Variants in COL9A2 observed in about 807,000 individuals in gnomAD.
COL9A2 encodes collagen type IX alpha 2 chain, also known as collagen alpha-2(IX) chain.
A neutral mutation model predicts 111.6 loss-of-function variants in COL9A2; 66 were observed. The observed-to-expected ratio is 0.59, with a 90% CI of 0.48 to 0.73. COL9A2 has a LOEUF of 0.73. Ranked by LOEUF, COL9A2 falls within the 30% of genes least tolerant of loss-of-function variation. The pLI, the probability that COL9A2 is intolerant of heterozygous loss-of-function variation, is 0.00. For synonymous variants in COL9A2, 353 were observed against 364.1 expected (o/e 0.97, Z 0.35); for missense variants, 881 against 954.1 (o/e 0.92, Z 1.01).
chr1:40,304,120 G>C, intron 24 of COL9A2, 21 bp from the exon 25 acceptor site: 1 of 1,542,290 alleles, frequency 6.5e-7, no homozygotes, highest in Non-Finnish European at 8.7e-7. Flanking sequence ...CGGGCAGTGA[G>C]GGGTTTGGCG....
Position 40,302,848 on chromosome 1 carries a change from G to T in COL9A2, c.1604-39C>A. 2 of 1,529,454 alleles carry T rather than the reference G, an allele frequency of 1.3e-6. No individual in the cohort carries two copies. The highest frequency in any genetic ancestry group is 2.4e-5 in the South Asian group (2 of 83,660). 94.7% of individuals were successfully genotyped at this position (1,529,454 alleles called of 1,614,324 possible). A position where few individuals can be genotyped will look rare whatever the true frequency, so the allele number is the denominator to read the frequency against. Reference sequence around the variant, plus strand: ...GGGAGGGAGGGAGAGGGAAGTCTATGAGATGGGTGTCAGCAGTAACACTAG... The same window carrying T: ...GGGAGGGAGGGAGAGGGAAGTCTATTAGATGGGTGTCAGCAGTAACACTAG... On this transcript the variant is annotated intron_variant, in intron 29 of 31. Transcript: ENST00000372748. The surrounding 1 kb of genome is among the most constrained non-coding windows in gnomAD (Gnocchi z 4.5).
rs778031598 is a variant in COL9A2, at chr1:40,303,759, G to A, written c.1401+48C>T. On this transcript the variant is annotated intron_variant, in intron 27 of 31. Coordinates refer to ENST00000372748, the MANE Select transcript of COL9A2 (RefSeq NM_001852.4). The surrounding 1 kb of genome is among the most constrained non-coding windows in gnomAD (Gnocchi z 4.6). ...AGTGGGGGGTGGGGGTCGAGGAAGG[G>A]AGTGGCCGCCCAGGAAAGTCGGAGA... 1 of 1,555,206 alleles carries A rather than the reference G, an allele frequency of 6.4e-7. No individual in the cohort carries two copies. The highest frequency in any genetic ancestry group is 2.4e-5 in the East Asian group (1 of 41,952).
intron 1 of COL9A2, chr1:40,315,899 A>G: frequency 2.2e-6 from 1 of 462,198 alleles, no homozygotes; most frequent in East Asian, 3.5e-5. Context: ...TTGCAGTCGA[A>G]GAAACTGGCT....
At position 40,311,539 on chromosome 1, in the gene COL9A2, C is replaced by A. The variant is rs745522018; in HGVS notation, c.480G>T (p.Pro160=). The change falls in exon 10 of 32, where the codon CCG becomes CCT. Residue 160 remains proline, a synonymous_variant. Transcript: ENST00000372748. This position sits in a 1 kb window ranked among gnomAD's most constrained non-coding sequence, Gnocchi z 5.1. ...TGCCTTCCAGACCCTGGATGGTTCCCGGGCGACCCTGAGAGGAGACATGAA... is the reference window on the plus strand; with the variant it reads ...TGCCTTCCAGACCCTGGATGGTTCCAGGGCGACCCTGAGAGGAGACATGAA... The part of the protein sequence containing the change: ...PPGPPGKPGR[P]GTIQGLEGSA... 1 of 1,613,868 alleles carries A rather than the reference C, an allele frequency of 6.2e-7. No individual in the cohort carries two copies. Among genetic ancestry groups the A allele is most frequent in the South Asian group, 1.1e-5 (1 of 91,052 alleles).
Position 40,301,837 on chromosome 1 carries a change from C to T in COL9A2, c.1845G>A (p.Gly615=). The change falls in exon 31 of 32, where the codon GGG becomes GGA. Residue 615 remains glycine, a synonymous_variant. Coordinates refer to ENST00000372748, the MANE Select transcript of COL9A2 (RefSeq NM_001852.4). ...DPGEVGRGHP[G]MPGPPGIPGL... is the part of the protein sequence containing the mutation. ...CTGGGATCCCTGGGGGCCCAGGCAT[C>T]CCGGGGTGCCCCCGTCCCACTTCTC... The T allele has an allele frequency of 6.2e-7, 1 of 1,614,140 alleles. No individual in the cohort carries two copies. The highest frequency in any genetic ancestry group is 8.5e-7 in the Non-Finnish European group (1 of 1,180,008).
At position 40,302,695 on chromosome 1, in the gene COL9A2, T is replaced by TG. The variant is rs1557791071; in HGVS notation, c.1717dup (p.His573ProfsTer33). ...AACGCCCCGAGGGCCAGGGTGCCCA[T>TG]GGGGGCCCTGCTTGCCTGGGTACCC... On this transcript the variant is annotated frameshift_variant, in exon 30 of 32. Transcript: ENST00000372748. LOFTEE classifies it high-confidence loss of function. The surrounding 1 kb of genome is among the most constrained non-coding windows in gnomAD (Gnocchi z 4.5). 6.3e-7 allele frequency: 1 copy of TG among 1,591,760 alleles called. No homozygotes were observed.
Position 40,303,475 on chromosome 1 carries a change from A to C in COL9A2, c.1548+55T>G. ...CCCTAGCCTTTGGCGGGTAAGCCGC[A>C]CCCCAGAACAGATCTACCTAGAAGA... On this transcript the variant is annotated intron_variant, in intron 28 of 31. Transcript: ENST00000372748. The surrounding 1 kb of genome is among the most constrained non-coding windows in gnomAD (Gnocchi z 4.6). The C allele has an allele frequency of 1.9e-6, 3 of 1,607,836 alleles. No individual in the cohort carries two copies. Among genetic ancestry groups the C allele is most frequent in the Non-Finnish European group, 2.5e-6 (3 of 1,177,166 alleles).
In COL9A2 at chr1:40,300,739, G is replaced by A. The variant is rs531591616; in HGVS notation, c.*443C>T. 56 of 165,134 alleles carry A rather than the reference G, an allele frequency of 3.4e-4. No individual in the cohort carries two copies. Among genetic ancestry groups the A allele is most frequent in the Middle Eastern group, 6.3e-3 (2 of 318 alleles). 10.2% of individuals were successfully genotyped at this position (165,134 alleles called of 1,614,324 possible). A position where few individuals can be genotyped will look rare whatever the true frequency, so the allele number is the denominator to read the frequency against. On this transcript the variant is annotated 3_prime_UTR_variant, in exon 32 of 32. Transcript: ENST00000372748. The surrounding 1 kb of genome is among the most constrained non-coding windows in gnomAD (Gnocchi z 4.4). ...ACCTGGTAGGTCCAGAGAGTGAGAT[G>A]GGATCAGGAACTGGCATAGACCTCA...
chr1:40,304,708 AC>A (rs748253458), intron 22 of COL9A2, 85 bp downstream of exon 22: 92 of 1,425,650 alleles, frequency 6.5e-5, no homozygotes, highest in Non-Finnish European at 8.0e-5. Flanking sequence ...GAGGCATCTC[AC>A]GGGCTGCACG....
rs371472307 is a variant in COL9A2, at chr1:40,311,055, C to T, written c.630+38G>A. The T allele has an allele frequency of 4.6e-5, 74 of 1,611,850 alleles. No homozygotes were observed. In the Middle Eastern group the frequency reaches 5.3e-4, roughly 12 times the overall value. ...ACAGAGCCCTGTAGGACCATCTCCA[C>T]GTATCCCTGACCCACAGCCCTCAGC... On this transcript the variant is annotated intron_variant, in intron 12 of 31. Transcript: ENST00000372748. This position sits in a 1 kb window ranked among gnomAD's most constrained non-coding sequence, Gnocchi z 5.1.
At position 40,311,065 on chromosome 1, in the gene COL9A2, A is replaced by AC; in HGVS notation, c.630+27dup. ...GTAGGACCATCTCCACGTATCCCTG[A>AC]CCCACAGCCCTCAGCCCTTGCACTC... On this transcript the variant is annotated intron_variant, in intron 12 of 31. Coordinates refer to ENST00000372748, the MANE Select transcript of COL9A2 (RefSeq NM_001852.4). This position sits in a 1 kb window ranked among gnomAD's most constrained non-coding sequence, Gnocchi z 5.1. 1.2e-6 allele frequency: 2 copies of AC among 1,613,422 alleles called. No homozygotes were observed. Among genetic ancestry groups the AC allele is most frequent in the Non-Finnish European group, 1.7e-6 (2 of 1,179,710 alleles).
chr1:40,301,418 T>C (rs1643913810), intron 31 of COL9A2, 37 bp from the exon 32 acceptor site: 2 of 1,568,594 alleles, frequency 1.3e-6, no homozygotes, highest in Non-Finnish European at 8.6e-7. Context: ...TAGGGGCACC[T>C]CTTGTCTCAG....
rs1644202431 is a variant in COL9A2, at chr1:40,315,407, G to A, written c.150+183C>T. 5 of 1,420,750 alleles carry A rather than the reference G, an allele frequency of 3.5e-6. No homozygotes were observed. In the African/African-American group the frequency reaches 5.8e-5, roughly 16 times the overall value. The allele number at this position is 1,420,750 out of a possible 1,614,324, so 88.0% of individuals were successfully genotyped here. ...CGGCTATAACGGGCTCCGCATGTCA[G>A]GGCTGGTTTGAGGTTTTTGCAGAAC... On this transcript the variant is annotated intron_variant, in intron 2 of 31. Coordinates refer to ENST00000372748, the MANE Select transcript of COL9A2 (RefSeq NM_001852.4).
At chr1:40,315,979 A>G (rs1644212722) in intron 1 of COL9A2, 2 of 302,890 alleles carry the variant, frequency 6.6e-6, no homozygotes, top group African/African-American at 2.2e-5. Context: ...GATCTGCCCG[A>G]CTCCTTCCAC....
At position 40,317,138 on chromosome 1, in the gene COL9A2, G is replaced by T. The variant is rs1241498504; in HGVS notation, c.60C>A (p.Leu20=). The T allele has an allele frequency of 1.9e-6, 3 of 1,583,386 alleles. No individual in the cohort carries two copies. Among genetic ancestry groups the T allele is most frequent in the South Asian group, 2.3e-5 (2 of 86,486 alleles). Residue 20 remains leucine (L), a synonymous_variant, in exon 1 of 32, where the codon CTC becomes CTA. Coordinates refer to ENST00000372748, the MANE Select transcript of COL9A2 (RefSeq NM_001852.4). This position sits in a 1 kb window ranked among gnomAD's most constrained non-coding sequence, Gnocchi z 4.3. Reference sequence around the variant, plus strand: ...CGAAACTTACAATCTGCGCCAGAGCGAGCACTACCACCTGGAGGAGAACAA... The same window carrying T: ...CGAAACTTACAATCTGCGCCAGAGCTAGCACTACCACCTGGAGGAGAACAA... The part of the protein sequence containing the change: ...SLLVLLQVVV[L]ALAQIRGPPG...
Position 40,311,807 on chromosome 1 carries a change from A to C in COL9A2, c.418-92T>G. ...TCCAGGTCCTGCCTCTGCCCTCTCC[A>C]CCCTGTCTTCCCGGTCACTTTGTGA... On this transcript the variant is annotated intron_variant, in intron 8 of 31. Transcript: ENST00000372748. This position sits in a 1 kb window ranked among gnomAD's most constrained non-coding sequence, Gnocchi z 5.1. 1.1e-5 allele frequency: 14 copies of C among 1,309,096 alleles called. No individual in the cohort carries two copies. Among genetic ancestry groups the C allele is most frequent in the Non-Finnish European group, 1.5e-5 (14 of 906,466 alleles). The allele number at this position is 1,309,096 out of a possible 1,614,324, so 81.1% of individuals were successfully genotyped here. A position where few individuals can be genotyped will look rare whatever the true frequency, so the allele number is the denominator to read the frequency against.
At position 40,312,005 on chromosome 1, in the gene COL9A2, C is replaced by A; in HGVS notation, c.417+54G>T. 1 of 1,552,948 alleles carries A rather than the reference C, an allele frequency of 6.4e-7. No individual in the cohort carries two copies. The highest frequency in any genetic ancestry group is 8.8e-7 in the Non-Finnish European group (1 of 1,139,742). ...ACTTCCAGAAAGACCACCCAGCTTG[C>A]CAGCTTGGAGATAGAAGGCAGGAGG... On this transcript the variant is annotated intron_variant, in intron 8 of 31. Coordinates refer to ENST00000372748, the MANE Select transcript of COL9A2 (RefSeq NM_001852.4). The surrounding 1 kb of genome is among the most constrained non-coding windows in gnomAD (Gnocchi z 6.0).
Position 40,303,494 on chromosome 1 carries a change from T to G in COL9A2, c.1548+36A>C. 1 of 1,612,312 alleles carries G rather than the reference T, an allele frequency of 6.2e-7. No individual in the cohort carries two copies. Among genetic ancestry groups the G allele is most frequent in the Non-Finnish European group, 8.5e-7 (1 of 1,179,716 alleles). On this transcript the variant is annotated intron_variant, in intron 28 of 31. Coordinates refer to ENST00000372748, the MANE Select transcript of COL9A2 (RefSeq NM_001852.4). The surrounding 1 kb of genome is among the most constrained non-coding windows in gnomAD (Gnocchi z 4.6). ...AGCCGCACCCCAGAACAGATCTACC[T>G]AGAAGAAGCACCTCCTACCCCGGGG...
chr1:40,303,727 G>A lies in COL9A2; in HGVS notation c.1402-51C>T, dbSNP rs1341963959. 3 of 1,545,296 alleles carry A rather than the reference G, an allele frequency of 1.9e-6. No individual in the cohort carries two copies. The African/African-American group carries it at 4.1e-5, about 21-fold the overall frequency. ...GAGCCGGGTGAGAAGGCGCCCGGGT[G>A]GGCGAGAGTGGGGGGTGGGGGTCGA... On this transcript the variant is annotated intron_variant, in intron 27 of 31. Transcript: ENST00000372748. The surrounding 1 kb of genome is among the most constrained non-coding windows in gnomAD (Gnocchi z 4.6).
Sources: allele counts gnomAD v4.1 joint callset, GRCh38; gene constraint gnomAD v4.1.1; non-coding constraint Gnocchi (gnomAD v3.1); transcripts MANE v1.5; gene names NCBI Gene and HGNC (gene_info 2026-07-23, HGNC 2026-07-21).